The following IGSF10 variants were observed in gnomAD, a reference collection of about 807,000 sequenced individuals.
The protein encoded by IGSF10 is calvaria mechanical force protein 608.
In IGSF10, 126 loss-of-function variants were observed where a neutral mutation model predicts 128.2. The ratio of observed to expected loss-of-function variants is 0.98; its 90% confidence interval spans 0.85 to 1.14. IGSF10 has a LOEUF of 1.14. Ranked by LOEUF, IGSF10 falls within the 50% of genes most tolerant of loss-of-function variation. The probability of loss-of-function intolerance (pLI) is 0.00; values close to 1 mark genes in which losing one functional copy is unlikely to be tolerated. For missense variants in IGSF10, 3,295 were observed against 3,149.8 expected, an observed-to-expected ratio of 1.05 and a Z score of -1.10; for synonymous variants, 1,185 against 1,146.2, an observed-to-expected ratio of 1.03 and a Z score of -0.68.
chr3:151,463,615 C>T (rs1170214363), upstream of IGSF10, among the ~76,000 whole-genome samples: 7 of 121,206 alleles, frequency 5.8e-5, no homozygotes, highest in South Asian at 5.7e-4. Context: ...GGCGCAATCT[C>T]GGCTCACCAC....
At chr3:151,497,851 G>C in the IGSF10 span, among the ~76,000 whole-genome samples, 25 of 151,322 alleles carry the variant, frequency 1.7e-4, no homozygotes, top group Non-Finnish European at 2.4e-4. Flanking sequence ...CTTTTATTTC[G>C]CTGAGCAGTG....
chr3:151,443,411 C>CT lies in IGSF10; in HGVS notation c.5535dup (p.Glu1846ArgfsTer13). ...CCTACAATGACTTGCCTCCTTTGCT[C>CT]TAGAATAACAGGTGGTGCTGCAATG... On this transcript the variant is annotated frameshift_variant, in exon 7 of 8. Transcript: ENST00000282466. LOFTEE classifies it high-confidence loss of function. 3 of 1,614,210 alleles carry CT rather than the reference C, an allele frequency of 1.9e-6. No individual in the cohort carries two copies. The highest frequency in any genetic ancestry group is 2.5e-6 in the Non-Finnish European group (3 of 1,180,046).
chr3:151,463,538 T>TTTTG (rs1722153974), upstream of IGSF10, among the ~76,000 whole-genome samples: 1 of 106,658 alleles, frequency 9.4e-6, no homozygotes, highest in African/African-American at 3.9e-5. Context: ...TTTTTTTTTT[T>TTTTG]TTTTTTTTTT....
chr3:151,484,648 C>T, the IGSF10 span, among the ~76,000 whole-genome samples: 1 of 150,908 alleles, frequency 6.6e-6, no homozygotes, highest in Non-Finnish European at 1.5e-5. Flanking sequence ...CCAGTGATAC[C>T]CAGGCAAACA....
the IGSF10 span, among the ~76,000 whole-genome samples, chr3:151,556,141 T>G: frequency 6.6e-6 from 1 of 152,214 alleles, no homozygotes. Context: ...AAACTAACTT[T>G]CATTCTTTAA....
At chr3:151,558,354 C>A in the IGSF10 span, among the ~76,000 whole-genome samples, 1 of 151,914 alleles carries the variant, frequency 6.6e-6, no homozygotes, top group Non-Finnish European at 1.5e-5. Context: ...TTCAGGTTGG[C>A]TTTACTATCA....
At chr3:151,460,617 C>T (rs1350993458) in intron 1 of IGSF10, among the ~76,000 whole-genome samples, 1 of 152,212 alleles carries the variant, frequency 6.6e-6, no homozygotes. Flanking sequence ...TGAATATTAA[C>T]TACTACTAAT....
rs1157059643 is a variant in IGSF10, at chr3:151,445,119, A to C, written c.4862T>G (p.Phe1621Cys). 1 of 1,614,130 alleles carries C rather than the reference A, an allele frequency of 6.2e-7. No individual in the cohort carries two copies. The highest frequency in any genetic ancestry group is 1.1e-5 in the South Asian group (1 of 91,072). Residue 1621 changes from phenylalanine to cysteine, a missense_variant, in exon 6 of 8, where the codon TTT becomes TGT. Phe to Cys is a radical substitution (Grantham distance 205). Coordinates refer to ENST00000282466, the MANE Select transcript of IGSF10 (RefSeq NM_178822.5). ...DGQKNTKKSD[F>C]DKKPVQEATT... ...TGCTTCTTGAACTGGTTTCTTATCA[A>C]AGTCACTCTTCTTTGTGTTCTTCTG... is the stretch of plus-strand genomic sequence containing the variant.
the IGSF10 span, among the ~76,000 whole-genome samples, chr3:151,547,592 T>C: frequency 6.6e-6 from 1 of 152,174 alleles, no homozygotes; most frequent in African/African-American, 2.4e-5. Flanking sequence ...ACCTGGTGCA[T>C]ATTTGTCATT....
At chr3:151,453,853 C>T in intron 4 of IGSF10, 79 bp from the exon 5 acceptor site, 1 of 862,290 alleles carries the variant, frequency 1.2e-6, no homozygotes, top group Non-Finnish European at 1.8e-6. Context: ...AATAACAAAA[C>T]TTATGTTGAA....
intron 4 of IGSF10, among the ~76,000 whole-genome samples, chr3:151,454,121 G>A (rs1180492822): frequency 2.0e-5 from 3 of 150,386 alleles, no homozygotes; most frequent in Non-Finnish European, 2.9e-5. Flanking sequence ...GGTTTGAAGC[G>A]ATTCTCCTGC....
At chr3:151,512,526 G>T in the IGSF10 span, among the ~76,000 whole-genome samples, 1 of 152,018 alleles carries the variant, frequency 6.6e-6, no homozygotes, top group Non-Finnish European at 1.5e-5. Flanking sequence ...ATCTAAAATT[G>T]ACACCCTAAC....
the IGSF10 span, among the ~76,000 whole-genome samples, chr3:151,606,019 G>C: frequency 1.3e-5 from 2 of 152,130 alleles, no homozygotes; most frequent in African/African-American, 4.8e-5. Flanking sequence ...GACCACTATT[G>C]GGAATCACTA....
the IGSF10 span, among the ~76,000 whole-genome samples, chr3:151,575,617 C>T: frequency 5.3e-5 from 8 of 152,200 alleles, no homozygotes; most frequent in East Asian, 1.9e-4. Flanking sequence ...TCGATTTTCC[C>T]GGTACAGTCT....
the IGSF10 span, among the ~76,000 whole-genome samples, chr3:151,524,107 C>A: frequency 6.6e-5 from 10 of 151,616 alleles, no homozygotes; most frequent in African/African-American, 2.4e-4. Context: ...AGAATGGCTA[C>A]TACAAAAAAG....
the IGSF10 span, among the ~76,000 whole-genome samples, chr3:151,534,801 A>ATATGTGTGTGTGTGTGTGTGTGTGTGTG: frequency 6.7e-6 from 1 of 149,078 alleles, no homozygotes; most frequent in African/African-American, 2.5e-5. Flanking sequence ...TTTAAAGTGT[A>ATATGTGTGTGTGTGTGTGTGTGTGTGTG]TGTGTGTGTG....
At chr3:151,615,667 G>A in the IGSF10 span, among the ~76,000 whole-genome samples, 1 of 152,032 alleles carries the variant, frequency 6.6e-6, no homozygotes, top group Admixed American at 6.6e-5. Context: ...AATATGAAGC[G>A]CTGAAAGGAA....
At chr3:151,485,024 T>C in the IGSF10 span, among the ~76,000 whole-genome samples, 1 of 152,200 alleles carries the variant, frequency 6.6e-6, no homozygotes, top group Non-Finnish European at 1.5e-5. Context: ...AGGATCATGT[T>C]CTAACCCAAT....
Position 151,438,113 on chromosome 3 carries a change from T to G in IGSF10, c.6448A>C (p.Asn2150His), listed in dbSNP as rs751106536. 1 of 1,614,186 alleles carries G rather than the reference T, an allele frequency of 6.2e-7. No individual in the cohort carries two copies. Among genetic ancestry groups the G allele is most frequent in the Admixed American group, 1.7e-5 (1 of 60,014 alleles). Residue 2150 changes from asparagine (N) to histidine (H), a missense_variant, in exon 8 of 8, where the codon AAC (asparagine) becomes CAC (histidine). Physicochemically the swap from Asn to His is moderately conservative, Grantham distance 68. Transcript: ENST00000282466. Reference sequence around the variant, plus strand: ...GTGTCTCCAGCTTTGATTCTCTTGTTGGTTTTGTTACTCTGCCTTATCCGG... The same window carrying G: ...GTGTCTCCAGCTTTGATTCTCTTGTGGGTTTTGTTACTCTGCCTTATCCGG... Reference protein sequence around the residue: ...APRIRQSNKTNKRIKAGDTAV... With the variant: ...APRIRQSNKTHKRIKAGDTAV...
Sources: allele counts gnomAD v4.1 joint callset (sites outside exome capture counted in the v4.1 genomes callset), GRCh38; gene constraint gnomAD v4.1.1; transcripts MANE v1.5; gene names NCBI Gene and HGNC (gene_info 2026-07-23, HGNC 2026-07-21).